The following STX6 variants were observed in gnomAD, a reference collection of about 807,000 sequenced individuals.
The protein encoded by STX6 is syntaxin-6.
STX6 carries 23 observed loss-of-function variants against 38.0 expected under a neutral mutation model. The ratio of observed to expected loss-of-function variants is 0.60; its 90% CI spans 0.43 to 0.86. The LOEUF is 0.86. Ranked by LOEUF, STX6 falls within the 40% of genes least tolerant of loss-of-function variation. The probability of loss-of-function intolerance (pLI) is 0.00; values close to 1 mark genes in which losing one functional copy is unlikely to be tolerated. For missense variants in STX6, 274 were observed against 312.9 expected, an observed-to-expected ratio of 0.88 and a Z score of 0.94; for synonymous variants, 123 against 107.5, an observed-to-expected ratio of 1.14 and a Z score of -0.89.
Position 180,972,839 on chromosome 1 carries a change from C to T in STX6, c.*3731G>A. 9.6e-6 allele frequency: 2 copies of T among 209,308 alleles called. No homozygotes were observed. The highest frequency in any genetic ancestry group is 2.0e-5 in the Non-Finnish European group (2 of 100,572). 13.0% of individuals were successfully genotyped at this position (209,308 alleles called of 1,614,324 possible). Reference sequence around the variant, plus strand: ...GATCGGAGCTACTGAAAGGTACCTGCTTTCAGCAAATTCTGGTTTGGTTTT... The same window carrying T: ...GATCGGAGCTACTGAAAGGTACCTGTTTTCAGCAAATTCTGGTTTGGTTTT... On this transcript the variant is annotated 3_prime_UTR_variant, in exon 8 of 8. Coordinates refer to ENST00000258301, the MANE Select transcript of STX6 (RefSeq NM_005819.6).
rs764127069 is a variant in STX6, at chr1:181,005,461, TC to T, written c.37del (p.Glu13ArgfsTer38). On this transcript the variant is annotated frameshift_variant and splice_region_variant, in exon 2 of 8. Transcript: ENST00000258301. LOFTEE classifies it high-confidence loss of function. ...MEDPFFVVKG[E>X]VQKAVNTAQG... is the part of the protein sequence containing the mutation. Reference sequence around the variant, plus strand: ...GGCAGTGTTGACTGCTTTCTGTACCTCTCTGTAATCAAGATGAGGCAAAGGA... The same window carrying T: ...GGCAGTGTTGACTGCTTTCTGTACCTTCTGTAATCAAGATGAGGCAAAGGA... The T allele has an allele frequency of 1.9e-6, 3 of 1,611,644 alleles. No individual in the cohort carries two copies. The South Asian group carries it at 3.3e-5, about 18-fold the overall frequency.
Position 180,973,720 on chromosome 1 carries a change from C to T in STX6, c.*2850G>A, listed in dbSNP as rs1186765352. 1.3e-5 allele frequency: 2 copies of T among 152,606 alleles called. No homozygotes were observed. The highest frequency in any genetic ancestry group is 2.1e-4 in the South Asian group (1 of 4,834). The allele number at this position is 152,606 out of a possible 1,614,324, so 9.5% of individuals were successfully genotyped here. On this transcript the variant is annotated 3_prime_UTR_variant, in exon 8 of 8. Transcript: ENST00000258301. ...TAGAGCATTGTGATTCTTCACAGTC[C>T]GCAGAGACAAGACCAAAAATGAGGA...
chr1:180,992,435 T>C (rs1264089269), intron 4 of STX6, among the ~76,000 whole-genome samples: 1 of 152,230 alleles, frequency 6.6e-6, no homozygotes, highest in African/African-American at 2.4e-5. Flanking sequence ...GTATAAATAG[T>C]GAAATTTCTC....
chr1:180,977,608 G>A (rs766785779), intron 7 of STX6, among the ~76,000 whole-genome samples: 2 of 152,160 alleles, frequency 1.3e-5, no homozygotes, highest in African/African-American at 2.4e-5. Context: ...CAAAGGGCCC[G>A]ACTGATAACA....
intron 1 of STX6, among the ~76,000 whole-genome samples, chr1:181,016,403 A>G (rs1216383654): frequency 6.6e-6 from 1 of 152,122 alleles, no homozygotes; most frequent in Non-Finnish European, 1.5e-5. Flanking sequence ...CTTACACAAT[A>G]TATCTTTCAC....
At chr1:180,991,658 T>C (rs1276574938) in intron 4 of STX6, among the ~76,000 whole-genome samples, 5 of 152,104 alleles carry the variant, frequency 3.3e-5, no homozygotes, top group African/African-American at 9.7e-5. Context: ...GATAATAGGA[T>C]AGAGATTGAG....
rs1384505691 is a variant in STX6, at chr1:180,988,307, G to C, written c.528C>G (p.Val176=). The change falls in exon 6 of 8, where the codon GTC becomes GTG. Residue 176 remains valine (V), a synonymous_variant. Transcript: ENST00000258301. ...TCTTCAGCACCCCGATGCTGCCAGA[G>C]ACCAGCTCCAACTGCTCATCCTGCT... ...VEQQDEQLEL[V]SGSIGVLKNM... 6.2e-7 allele frequency: 1 copy of C among 1,613,912 alleles called. No individual in the cohort carries two copies. Among genetic ancestry groups the C allele is most frequent in the Non-Finnish European group, 8.5e-7 (1 of 1,179,962 alleles).
At chr1:181,011,554 G>C (rs1656397875) in intron 1 of STX6, among the ~76,000 whole-genome samples, 1 of 152,318 alleles carries the variant, frequency 6.6e-6, no homozygotes, top group African/African-American at 2.4e-5. Context: ...TAACCAGGGA[G>C]ACAACCCTCT....
intron 3 of STX6, among the ~76,000 whole-genome samples, chr1:181,001,916 C>T (rs1446109806): frequency 1.3e-5 from 2 of 152,168 alleles, no homozygotes; most frequent in African/African-American, 4.8e-5. Flanking sequence ...TGGTGGCTCA[C>T]GCCAGTAATC....
At chr1:181,002,553 A>G (rs374802281) in intron 3 of STX6, 53 bp downstream of exon 3, 8 of 1,332,060 alleles carry the variant, frequency 6.0e-6, no homozygotes, top group Non-Finnish European at 8.5e-6. Context: ...AAAGAGCTCT[A>G]AGAAGTCTGG....
chr1:181,019,929 G>A (rs1312071781), intron 1 of STX6, among the ~76,000 whole-genome samples: 9 of 152,026 alleles, frequency 5.9e-5, no homozygotes, highest in Non-Finnish European at 1.3e-4. Flanking sequence ...TTGGGAGGCC[G>A]AGACAGGTGG....
intron 3 of STX6, among the ~76,000 whole-genome samples, chr1:180,998,391 T>C (rs1655976061): frequency 6.6e-6 from 1 of 152,056 alleles, no homozygotes; most frequent in South Asian, 2.1e-4. Context: ...CTTTTTTTTT[T>C]CTTTTTTCTT....
chr1:181,001,857 G>A (rs1197032815), intron 3 of STX6, among the ~76,000 whole-genome samples: 4 of 152,214 alleles, frequency 2.6e-5, no homozygotes, highest in African/African-American at 9.6e-5. Context: ...AAAGCCAGCA[G>A]ATTACTGTCT....
At position 180,988,315 on chromosome 1, in the gene STX6, C is replaced by T. The variant is rs753415816; in HGVS notation, c.520G>A (p.Glu174Lys). 6.2e-6 allele frequency: 10 copies of T among 1,613,956 alleles called. No individual in the cohort carries two copies. Among genetic ancestry groups the T allele is most frequent in the Non-Finnish European group, 6.8e-6 (8 of 1,179,916 alleles). ...LIVEQQDEQL[E>K]LVSGSIGVLK... ...ACCCCGATGCTGCCAGAGACCAGCT[C>T]CAACTGCTCATCCTGCTGTTCCACG... The change falls in exon 6 of 8, where the codon GAG (glutamate) becomes AAG (lysine). Residue 174 changes from glutamate to lysine, a missense_variant. Glu to Lys is a moderately conservative substitution (Grantham distance 56, BLOSUM62 1). Coordinates refer to ENST00000258301, the MANE Select transcript of STX6 (RefSeq NM_005819.6).
At chr1:181,004,034 GATA>G (rs1317983608) in intron 2 of STX6, among the ~76,000 whole-genome samples, 2 of 152,162 alleles carry the variant, frequency 1.3e-5, no homozygotes, top group Non-Finnish European at 2.9e-5. Context: ...ACCTCTATAT[GATA>G]ATGACTGCTA....
chr1:181,000,231 T>C (rs145681442), intron 3 of STX6, among the ~76,000 whole-genome samples: 28 of 152,364 alleles, frequency 1.8e-4, no homozygotes, highest in Middle Eastern at 6.8e-3. Context: ...AGTAAGATTT[T>C]GAAGTACTGA....
chr1:180,984,621 C>A, intron 7 of STX6, 56 bp downstream of exon 7: 1 of 748,278 alleles, frequency 1.3e-6, no homozygotes, highest in South Asian at 1.7e-5. Flanking sequence ...ACAACACCCC[C>A]AAGACAGAGT....
At chr1:181,007,700 A>G (rs1024054782) in intron 1 of STX6, among the ~76,000 whole-genome samples, 11 of 152,312 alleles carry the variant, frequency 7.2e-5, no homozygotes, top group African/African-American at 2.6e-4. Context: ...TTTTGGTCTC[A>G]GGAGACTCCT....
At chr1:181,002,559 TCTGG>T in intron 3 of STX6, 43 bp downstream of exon 3, 1 of 1,377,660 alleles carries the variant, frequency 7.3e-7, no homozygotes, top group African/African-American at 1.4e-5. Context: ...CTCTAAGAAG[TCTGG>T]CTATTTCTTA....
Sources: allele counts gnomAD v4.1 joint callset (sites outside exome capture counted in the v4.1 genomes callset), GRCh38; gene constraint gnomAD v4.1.1; transcripts MANE v1.5; gene names NCBI Gene and HGNC (gene_info 2026-07-23, HGNC 2026-07-21).